The following KRT78 variants were observed in gnomAD, a reference collection of about 807,000 sequenced individuals.
KRT78 encodes the protein keratin 78.
Under a neutral mutation model 51.4 loss-of-function variants are expected in KRT78, and 55 were observed. The ratio of observed to expected loss-of-function variants is 1.07; its 90% CI spans 0.86 to 1.34. KRT78 has a LOEUF of 1.34. KRT78 is among the 40% of genes most tolerant of loss of function. The pLI, the probability that KRT78 is intolerant of heterozygous loss-of-function variation, is 0.00. For missense variants in KRT78, 652 were observed against 649.4 expected (o/e 1.00, Z -0.04); for synonymous variants, 291 against 264.3 (o/e 1.10, Z -0.98).
chr12:52,848,483 T>A, intron 1 of KRT78, 64 bp downstream of exon 1: 3 of 1,579,172 alleles, frequency 1.9e-6, no homozygotes, highest in Non-Finnish European at 2.6e-6. Flanking sequence ...CATTTCCAAG[T>A]CCATCAAGAG....
At chr12:52,846,044 G>GT in intron 4 of KRT78, 153 bp downstream of exon 4, 1 of 607,792 alleles carries the variant, frequency 1.6e-6, no homozygotes, top group Non-Finnish European at 2.9e-6. Flanking sequence ...CACATAGTAA[G>GT]TTTTCAGTAA....
intron 6 of KRT78, among the ~76,000 whole-genome samples, chr12:52,841,916 A>T (rs1038541944): frequency 6.6e-6 from 1 of 152,192 alleles, no homozygotes; most frequent in African/African-American, 2.4e-5. Context: ...TCTCAAGACC[A>T]CATGCTTCAG....
At chr12:52,844,486 G>T (rs1940592824) in intron 5 of KRT78, 73 bp downstream of exon 5, 1 of 1,532,514 alleles carries the variant, frequency 6.5e-7, no homozygotes, top group Non-Finnish European at 8.9e-7. Context: ...GATCGAGGTG[G>T]ATGACCACCC....
chr12:52,848,399 T>G lies in KRT78; in HGVS notation c.384+148A>C. The G allele has an allele frequency of 2.2e-6, 3 of 1,391,792 alleles. No homozygotes were observed. In the African/African-American group the frequency reaches 4.4e-5, roughly 20 times the overall value. 86.2% of individuals were successfully genotyped at this position (1,391,792 alleles called of 1,614,324 possible). A position where few individuals can be genotyped will look rare whatever the true frequency, so the allele number is the denominator to read the frequency against. Reference sequence around the variant, plus strand: ...AGGGCCTCAGCATAGCCAGAGAGAGTCCAGTTAGTCCACAGGAGGGACTTC... The same window carrying G: ...AGGGCCTCAGCATAGCCAGAGAGAGGCCAGTTAGTCCACAGGAGGGACTTC... On this transcript the variant is annotated intron_variant, in intron 1 of 8. Coordinates refer to ENST00000304620, the MANE Select transcript of KRT78 (RefSeq NM_173352.4).
In KRT78 at chr12:52,839,110, C is replaced by A. The variant is rs375408802; in HGVS notation, c.*3G>T. 21 of 1,611,222 alleles carry A rather than the reference C, an allele frequency of 1.3e-5. No individual in the cohort carries two copies. The South Asian group carries it at 1.5e-4, about 12-fold the overall frequency. ...TTCAGGAAGGAGGTGGCTGCTGGGT[C>A]GCTCAGTAGGTGATGGATGTCTTCA... is the stretch of plus-strand genomic sequence containing the variant. On this transcript the variant is annotated 3_prime_UTR_variant, in exon 9 of 9. Coordinates refer to ENST00000304620, the MANE Select transcript of KRT78 (RefSeq NM_173352.4).
At chr12:52,848,432 C>A in intron 1 of KRT78, 115 bp downstream of exon 1, 1 of 1,481,292 alleles carries the variant, frequency 6.8e-7, no homozygotes, top group Admixed American at 2.1e-5. Context: ...TTCTTTGCTG[C>A]AGAAGTTATT....
Position 52,844,717 on chromosome 12 carries a change from C to T in KRT78, c.763G>A (p.Gly255Ser). 1 of 1,608,930 alleles carries T rather than the reference C, an allele frequency of 6.2e-7. No homozygotes were observed. Among genetic ancestry groups the T allele is most frequent in the South Asian group, 1.1e-5 (1 of 90,314 alleles). Residue 255 changes from glycine to serine, a missense_variant, in exon 5 of 9, where the codon GGC (glycine) becomes AGC (serine). Transcript: ENST00000304620. ...FLKHLNEEELGQLQTQASDTS... is the reference protein window; with the variant it reads ...FLKHLNEEELSQLQTQASDTS... The stretch of plus-strand genomic sequence containing the variant: ...TCGCTGGCCTGGGTCTGGAGCTGGC[C>T]CAGCTCCTGCAGGGAAGACAGACTC...
chr12:52,842,573 C>A (rs577200966), intron 6 of KRT78, among the ~76,000 whole-genome samples: 9 of 152,210 alleles, frequency 5.9e-5, no homozygotes, highest in Admixed American at 4.6e-4. Context: ...CAGTGTTTGA[C>A]CTTAAAGTCC....
chr12:52,839,702 G>C, intron 7 of KRT78, 62 bp downstream of exon 7: 1 of 1,502,308 alleles, frequency 6.7e-7, no homozygotes, highest in Middle Eastern at 1.7e-4. Context: ...GCAGCTCACT[G>C]TGTTGGCATC....
intron 4 of KRT78, among the ~76,000 whole-genome samples, chr12:52,845,671 C>A (rs1940622791): frequency 6.6e-6 from 1 of 152,146 alleles, no homozygotes; most frequent in Non-Finnish European, 1.5e-5. Context: ...AGAAAGCAAA[C>A]TTAGTCGGGC....
chr12:52,847,954 A>T lies in KRT78; in HGVS notation c.552T>A (p.Asp184Glu). ...EQLQGERGAL[D>E]AELKACRDQE... ...GGTCCCGGCAGGCCTTCAACTCAGC[A>T]TCCAGAGCCCCTCGTTCTCCCTGGA... Residue 184 changes from aspartate (D) to glutamate (E), a missense_variant, in exon 2 of 9, where the codon GAT becomes GAA. Transcript: ENST00000304620. 1 of 1,614,182 alleles carries T rather than the reference A, an allele frequency of 6.2e-7. No homozygotes were observed. Among genetic ancestry groups the T allele is most frequent in the Admixed American group, 1.7e-5 (1 of 60,026 alleles).
At chr12:52,839,622 C>T in intron 7 of KRT78, 135 bp from the exon 8 acceptor site, 1 of 1,280,572 alleles carries the variant, frequency 7.8e-7, no homozygotes, top group South Asian at 1.4e-5. Flanking sequence ...ACTTAAAATC[C>T]CTCTCTGCAG....
In KRT78 at chr12:52,839,853, C is replaced by G. The variant is rs746452011; in HGVS notation, c.1179G>C (p.Leu393=). ...TGCTCGTCAGCTCCTGGTACTCGCA[C>G]AGCAGCCGGGCCAGGTTCTGCTTGG... is the stretch of plus-strand genomic sequence containing the variant. ...RMAKQNLARL[L]CEYQELTSTK... is the part of the protein sequence containing the mutation. The change falls in exon 7 of 9, where the codon CTG becomes CTC. Residue 393 remains leucine (L), a synonymous_variant. Transcript: ENST00000304620. The G allele has an allele frequency of 6.2e-6, 10 of 1,613,964 alleles. No homozygotes were observed. The highest frequency in any genetic ancestry group is 8.5e-6 in the Non-Finnish European group (10 of 1,180,028).
In KRT78 at chr12:52,847,905, A is replaced by G. The variant is rs746422074; in HGVS notation, c.599+2T>C. On this transcript the variant is annotated splice_donor_variant, in intron 2 of 8. Transcript: ENST00000304620. LOFTEE classifies it high-confidence loss of function. The stretch of plus-strand genomic sequence containing the variant: ...GGCATGGGGAAATTTCAGTGTGCCT[A>G]CTTGGACTTATACTCCTCCTCCTGG... The G allele has an allele frequency of 5.6e-6, 9 of 1,613,512 alleles. No individual in the cohort carries two copies. Among genetic ancestry groups the G allele is most frequent in the Admixed American group, 3.3e-5 (2 of 59,992 alleles).
intron 6 of KRT78, among the ~76,000 whole-genome samples, chr12:52,840,961 T>C (rs556011118): frequency 6.6e-6 from 1 of 152,154 alleles, no homozygotes; most frequent in African/African-American, 2.4e-5. Flanking sequence ...AGGACACTAG[T>C]ACAACTCCTG....
intron 1 of KRT78, 109 bp from the exon 2 acceptor site, chr12:52,848,230 C>T: frequency 6.5e-7 from 1 of 1,546,618 alleles, no homozygotes; most frequent in South Asian, 1.2e-5. Context: ...TTCCCCTGTC[C>T]CCCTGCCCAA....
In KRT78 at chr12:52,847,914, T is replaced by C; in HGVS notation, c.592A>G (p.Lys198Glu). The change falls in exon 2 of 9, where the codon AAG (lysine) becomes GAG (glutamate). Residue 198 changes from lysine (K) to glutamate (E), a missense_variant. Physicochemically the swap from Lys to Glu is moderately conservative, Grantham distance 56 (BLOSUM62 1). Coordinates refer to ENST00000304620, the MANE Select transcript of KRT78 (RefSeq NM_173352.4). ...KACRDQEEEY[K>E]SKYEEEAHRR... ...AAATTTCAGTGTGCCTACTTGGACT[T>C]ATACTCCTCCTCCTGGTCCCGGCAG... is the stretch of plus-strand genomic sequence containing the variant. 6.2e-7 allele frequency: 1 copy of C among 1,614,008 alleles called. No individual in the cohort carries two copies.
chr12:52,848,803 G>C lies in KRT78; in HGVS notation c.128C>G (p.Ser43Cys), dbSNP rs1274349814. Residue 43 changes from serine to cysteine, a missense_variant, in exon 1 of 9, where the codon TCC becomes TGC. Coordinates refer to ENST00000304620, the MANE Select transcript of KRT78 (RefSeq NM_173352.4). ...RGGFSSRSLN[S>C]FGGCLEGSRG... The stretch of plus-strand genomic sequence containing the variant: ...AGAGCCTTCCAGGCACCCCCCAAAG[G>C]AATTAAGGCTCCTGCTGCTGAAGCC... The C allele has an allele frequency of 1.2e-6, 2 of 1,613,122 alleles. No individual in the cohort carries two copies. The highest frequency in any genetic ancestry group is 2.7e-5 in the African/African-American group (2 of 74,760).
chr12:52,848,281 A>T (rs1441614119), intron 1 of KRT78, 160 bp from the exon 2 acceptor site: 1 of 1,538,270 alleles, frequency 6.5e-7, no homozygotes. Flanking sequence ...TGACACTCTG[A>T]ACACAACAAA....
Sources: allele counts gnomAD v4.1 joint callset (sites outside exome capture counted in the v4.1 genomes callset), GRCh38; gene constraint gnomAD v4.1.1; transcripts MANE v1.5; gene names NCBI Gene and HGNC (gene_info 2026-07-23, HGNC 2026-07-21).